The following ACKR2 variants were observed in gnomAD, a reference collection of about 807,000 sequenced individuals.
The protein encoded by ACKR2 is atypical chemokine receptor 2, also known as C-C chemokine receptor D6.
For missense variants in ACKR2, 457 were observed against 477.3 expected, an observed-to-expected ratio of 0.96 and a Z score of 0.40; for synonymous variants, 207 against 192.2, an observed-to-expected ratio of 1.08 and a Z score of -0.64.
chr3:42,837,335 A>G (rs1340283881), intron 2 of ACKR2, among the ~76,000 whole-genome samples: 2 of 151,856 alleles, frequency 1.3e-5, no homozygotes, highest in Non-Finnish European at 1.5e-5. Context: ...TCCCACCTCA[A>G]CCTCCGGAGT....
chr3:42,821,273 T>G (rs1451630342), intron 2 of ACKR2, among the ~76,000 whole-genome samples: 1 of 152,228 alleles, frequency 6.6e-6, no homozygotes, highest in Non-Finnish European at 1.5e-5. Context: ...ATCCACAGGC[T>G]ATAGTGAGTG....
At chr3:42,818,539 T>G (rs1700776629) in intron 1 of ACKR2, among the ~76,000 whole-genome samples, 1 of 152,196 alleles carries the variant, frequency 6.6e-6, no homozygotes, top group Non-Finnish European at 1.5e-5. Flanking sequence ...GGAAAGCACT[T>G]AAACAGATCA....
chr3:42,846,441 A>G (rs1425234826), intron 2 of ACKR2, among the ~76,000 whole-genome samples: 3 of 152,234 alleles, frequency 2.0e-5, no homozygotes, highest in African/African-American at 7.2e-5. Flanking sequence ...TTCCAGGGTC[A>G]CCTGCAAACA....
chr3:42,818,081 G>T (rs1700771588), intron 1 of ACKR2, among the ~76,000 whole-genome samples: 1 of 152,022 alleles, frequency 6.6e-6, no homozygotes. Context: ...TCCTCTGTCT[G>T]CCACACTTCT....
At chr3:42,828,102 T>TTC (rs1700891256) in intron 2 of ACKR2, among the ~76,000 whole-genome samples, 1 of 138,572 alleles carries the variant, frequency 7.2e-6, no homozygotes, top group Non-Finnish European at 1.6e-5. Flanking sequence ...ATTTTTTTTT[T>TTC]TTTCTTTTCT....
intron 2 of ACKR2, among the ~76,000 whole-genome samples, chr3:42,850,654 C>A (rs1701145304): frequency 1.3e-5 from 2 of 152,142 alleles, no homozygotes; most frequent in African/African-American, 4.8e-5. Context: ...TACTGCTAAG[C>A]ATATGTCAGG....
chr3:42,861,383 C>A (rs2088382646), intron 2 of ACKR2, among the ~76,000 whole-genome samples: 1 of 152,150 alleles, frequency 6.6e-6, no homozygotes, highest in Non-Finnish European at 1.5e-5. Flanking sequence ...GGCCTCCCAA[C>A]CATAAAAAGC....
chr3:42,846,122 T>C (rs1283937270), intron 2 of ACKR2, among the ~76,000 whole-genome samples: 2 of 152,124 alleles, frequency 1.3e-5, no homozygotes, highest in Non-Finnish European at 2.9e-5. Flanking sequence ...AATTAATACA[T>C]GTAATGCACT....
At chr3:42,811,125 C>T (rs542008922) in intron 1 of ACKR2, among the ~76,000 whole-genome samples, 3 of 152,324 alleles carry the variant, frequency 2.0e-5, no homozygotes, top group South Asian at 2.1e-4. Flanking sequence ...GCCTGGATTA[C>T]AGGTGTGAGC....
In ACKR2 at chr3:42,857,037, C is replaced by T. The variant is rs547002368; in HGVS notation, c.-37-7429C>T. ...GTCACTGCCTTAGAGGACACTTAAC[C>T]GTGGACAGTGACTTGTCCCATCTCC... On this transcript the variant is annotated intron_variant, in intron 2 of 2. Transcript: ENST00000422265. Among the ~76,000 whole-genome samples the T allele has an allele frequency of 9.2e-5, 14 of 151,980 alleles. No homozygotes were observed. In the South Asian group the frequency reaches 2.3e-3, roughly 25 times the overall value.
intron 2 of ACKR2, among the ~76,000 whole-genome samples, chr3:42,838,131 A>G (rs1451759938): frequency 6.6e-6 from 1 of 152,224 alleles, no homozygotes; most frequent in Non-Finnish European, 1.5e-5. Context: ...ACATTAGGGT[A>G]AGCAAAGATT....
chr3:42,865,873 A>C lies in ACKR2; in HGVS notation c.*216A>C. 2 of 509,964 alleles carry C rather than the reference A, an allele frequency of 3.9e-6. No individual in the cohort carries two copies. The highest frequency in any genetic ancestry group is 3.4e-5 in the East Asian group (1 of 29,764). The allele number at this position is 509,964 out of a possible 1,614,324, so 31.6% of individuals were successfully genotyped here. On this transcript the variant is annotated 3_prime_UTR_variant, in exon 3 of 3. Transcript: ENST00000422265. Reference sequence around the variant, plus strand: ...ACGCTTTCTTTTCTGAATTGCTACAATCTTTCTTCCTTCCTTCCTTGCTTC... The same window carrying C: ...ACGCTTTCTTTTCTGAATTGCTACACTCTTTCTTCCTTCCTTCCTTGCTTC...
intron 2 of ACKR2, chr3:42,844,006 G>A (rs914342640): frequency 6.6e-6 from 1 of 152,192 alleles, no homozygotes; most frequent in African/African-American, 2.4e-5. Flanking sequence ...CTACCTCTCC[G>A]GGAACCCGCT....
intron 2 of ACKR2, among the ~76,000 whole-genome samples, chr3:42,858,977 A>C (rs2088351525): frequency 6.6e-6 from 1 of 152,072 alleles, no homozygotes; most frequent in Non-Finnish European, 1.5e-5. Flanking sequence ...AATTAGAGAA[A>C]AAAGAATATA....
chr3:42,829,225 T>C (rs1207825316), intron 2 of ACKR2, among the ~76,000 whole-genome samples: 1 of 152,182 alleles, frequency 6.6e-6, no homozygotes, highest in Non-Finnish European at 1.5e-5. Flanking sequence ...ACGTGGACTT[T>C]GGTAGAGGCA....
At chr3:42,840,457 T>A (rs1386492817) in intron 2 of ACKR2, among the ~76,000 whole-genome samples, 2 of 152,090 alleles carry the variant, frequency 1.3e-5, no homozygotes, top group East Asian at 3.9e-4. Flanking sequence ...CCCCACGCAT[T>A]GTTTGCCTCA....
intron 2 of ACKR2, among the ~76,000 whole-genome samples, chr3:42,860,097 C>T (rs926223711): frequency 6.7e-5 from 9 of 133,606 alleles, no homozygotes; most frequent in African/African-American, 2.4e-4. Context: ...AGACTCATCT[C>T]ACGTCCAAAG....
chr3:42,833,706 TA>T (rs34052773), intron 2 of ACKR2, among the ~76,000 whole-genome samples: 4 of 150,160 alleles, frequency 2.7e-5, no homozygotes, highest in Non-Finnish European at 3.0e-5. Flanking sequence ...AGAGATCATT[TA>T]AAAAAAAAAC....
chr3:42,842,164 CTG>C (rs1701045539), intron 2 of ACKR2, among the ~76,000 whole-genome samples: 1 of 152,206 alleles, frequency 6.6e-6, no homozygotes, highest in Non-Finnish European at 1.5e-5. Flanking sequence ...ACAGCACAAA[CTG>C]TGCAGAGACA....
Sources: gnomAD v4.1 joint callset for allele counts (sites outside exome capture counted in the v4.1 genomes callset) on GRCh38, gnomAD v4.1.1 for gene constraint, MANE v1.5 for transcripts, NCBI Gene and HGNC (gene_info 2026-07-23, HGNC 2026-07-21) for gene names.